Variants in MLLT3 observed in about 807,000 individuals in gnomAD.
MLLT3 encodes the protein protein AF-9.
MLLT3 carries 4 observed loss-of-function variants against 53.2 expected under a neutral mutation model. That is an observed-to-expected ratio of 0.08 (90% CI 0.04 to 0.17). MLLT3 has a LOEUF of 0.17. Among genes scored for constraint, MLLT3 ranks in the 10% least tolerant of loss-of-function variants. MLLT3 has a pLI of 1.00. For missense variants in MLLT3, 569 were observed against 684.0 expected (o/e 0.83, Z 1.87); for synonymous variants, 283 against 230.6 (o/e 1.23, Z -2.06).
At chr9:20,386,063 T>A (rs954626990) in intron 5 of MLLT3, among the ~76,000 whole-genome samples, 1 of 152,202 alleles carries the variant, frequency 6.6e-6, no homozygotes, top group Non-Finnish European at 1.5e-5. Flanking sequence ...CCATTTCCAA[T>A]GGGCACTGCC....
intron 2 of MLLT3, among the ~76,000 whole-genome samples, chr9:20,553,072 G>T (rs1243539775): frequency 1.3e-5 from 2 of 152,164 alleles, no homozygotes; most frequent in African/African-American, 4.8e-5. Flanking sequence ...TTTATTATGA[G>T]TAATAGGTGT....
At chr9:20,457,179 G>A (rs1252825316) in intron 2 of MLLT3, among the ~76,000 whole-genome samples, 5 of 147,284 alleles carry the variant, frequency 3.4e-5, no homozygotes, top group Non-Finnish European at 7.4e-5. Context: ...TCTAGTCTTT[G>A]ATGCAAATCA....
rs1820824200 is a variant in MLLT3 at position 20,344,819 on chromosome 9, T to C, written c.*1624A>G. The stretch of plus-strand genomic sequence containing the variant: ...GAAAGACCATTTTCTGTACAGACAC[T>C]AGTTAATCTCTGTATGAAAAGACAG... On this transcript the variant is annotated 3_prime_UTR_variant, in exon 11 of 11. Transcript: ENST00000380338. 4.8e-6 allele frequency: 1 copy of C among 210,124 alleles called. No individual in the cohort carries two copies. The highest frequency in any genetic ancestry group is 9.7e-6 in the Non-Finnish European group (1 of 103,462). The allele number at this position is 210,124 out of a possible 1,614,324, so 13.0% of individuals were successfully genotyped here. A position where few individuals can be genotyped will look rare whatever the true frequency, so the allele number is the denominator to read the frequency against.
intron 4 of MLLT3, among the ~76,000 whole-genome samples, chr9:20,418,153 G>C (rs1406657359): frequency 5.3e-5 from 8 of 152,272 alleles, no homozygotes; most frequent in Admixed American, 5.2e-4. Context: ...ATTTTTACAA[G>C]GACACTTCCT....
chr9:20,423,496 T>C (rs576642234), intron 4 of MLLT3, among the ~76,000 whole-genome samples: 30 of 152,088 alleles, frequency 2.0e-4, no homozygotes, highest in Non-Finnish European at 3.1e-4. Flanking sequence ...TATCCACAGA[T>C]TCAACCAACC....
intron 2 of MLLT3, among the ~76,000 whole-genome samples, chr9:20,534,636 C>A (rs563363185): frequency 8.5e-4 from 130 of 152,308 alleles, no homozygotes; most frequent in South Asian, 2.7e-3. Context: ...CACCTGTAAT[C>A]CCAACTTTGG....
chr9:20,387,957 C>T (rs1465267878), intron 5 of MLLT3, among the ~76,000 whole-genome samples: 4 of 152,218 alleles, frequency 2.6e-5, no homozygotes, highest in East Asian at 1.9e-4. Flanking sequence ...AGGAGGGCAG[C>T]GGAGAGTGGG....
chr9:20,426,456 TG>T (rs1242717014), intron 4 of MLLT3, among the ~76,000 whole-genome samples: 2 of 152,102 alleles, frequency 1.3e-5, no homozygotes, highest in African/African-American at 4.8e-5. Flanking sequence ...AAATAATGGC[TG>T]GAAGTATAAA....
At chr9:20,472,916 A>AG (rs1472711522) in intron 2 of MLLT3, among the ~76,000 whole-genome samples, 1 of 152,050 alleles carries the variant, frequency 6.6e-6, no homozygotes, top group Non-Finnish European at 1.5e-5. Flanking sequence ...AACAAAAAAA[A>AG]AAAAGAAAAG....
intron 2 of MLLT3, among the ~76,000 whole-genome samples, chr9:20,563,984 T>G (rs2131155302): frequency 6.6e-6 from 1 of 152,248 alleles, no homozygotes; most frequent in East Asian, 1.9e-4. Context: ...GCAAGTAAAA[T>G]CCATCTCCAG....
intron 2 of MLLT3, among the ~76,000 whole-genome samples, chr9:20,536,765 A>C (rs985042650): frequency 5.9e-5 from 9 of 152,306 alleles, no homozygotes; most frequent in Non-Finnish European, 1.2e-4. Flanking sequence ...TTAAAAATAC[A>C]AAATTACTAC....
chr9:20,403,591 A>G (rs1822508726), intron 5 of MLLT3, among the ~76,000 whole-genome samples: 1 of 152,210 alleles, frequency 6.6e-6, no homozygotes, highest in Admixed American at 6.5e-5. Flanking sequence ...GGCTTGGTAA[A>G]CAACAGTAAA....
chr9:20,439,609 C>T (rs193273629), intron 4 of MLLT3, among the ~76,000 whole-genome samples: 10 of 151,654 alleles, frequency 6.6e-5, no homozygotes, highest in South Asian at 6.3e-4. Context: ...GGGGGGATGG[C>T]GGAGAAAGAA....
intron 4 of MLLT3, among the ~76,000 whole-genome samples, chr9:20,444,099 T>C (rs894537172): frequency 2.0e-5 from 3 of 152,192 alleles, no homozygotes; most frequent in Non-Finnish European, 2.9e-5. Context: ...ATCTATCTTA[T>C]AGTAATAGAT....
At position 20,622,310 on chromosome 9, in the gene MLLT3, GC is replaced by G. The variant is rs911971713; in HGVS notation, c.-55del. ...GTTGTGTGGTACCCCCCCCTCCTCC[GC>G]CCCCCCTCAGCTGTAATTCATGAAG... On this transcript the variant is annotated 5_prime_UTR_variant, in exon 1 of 11. Transcript: ENST00000380338. The G allele has an allele frequency of 4.1e-6, 6 of 1,472,512 alleles. No individual in the cohort carries two copies. The African/African-American group carries it at 7.2e-5, about 18-fold the overall frequency. The allele number at this position is 1,472,512 out of a possible 1,614,324, so 91.2% of individuals were successfully genotyped here.
intron 2 of MLLT3, among the ~76,000 whole-genome samples, chr9:20,610,949 A>G (rs1820686399): frequency 6.6e-6 from 1 of 152,148 alleles, no homozygotes; most frequent in Non-Finnish European, 1.5e-5. Flanking sequence ...CAAATCCCCC[A>G]TGTTTCATTG....
chr9:20,582,493 A>G (rs1370666258), intron 2 of MLLT3, among the ~76,000 whole-genome samples: 2 of 152,202 alleles, frequency 1.3e-5, no homozygotes, highest in Non-Finnish European at 2.9e-5. Flanking sequence ...GTCATATAAT[A>G]TGTAGGCTTT....
intron 2 of MLLT3, among the ~76,000 whole-genome samples, chr9:20,612,626 T>C (rs1415349916): frequency 6.6e-6 from 1 of 151,658 alleles, no homozygotes; most frequent in Non-Finnish European, 1.5e-5. Flanking sequence ...AGCAACCCAA[T>C]CTTTTCTTTT....
chr9:20,388,078 T>C (rs1305439410), intron 5 of MLLT3, among the ~76,000 whole-genome samples: 1 of 152,196 alleles, frequency 6.6e-6, no homozygotes, highest in South Asian at 2.1e-4. Flanking sequence ...ATTACCTAGA[T>C]GAAATTTTTC....
Sources: gnomAD v4.1 joint callset for allele counts (sites outside exome capture counted in the v4.1 genomes callset) on GRCh38, gnomAD v4.1.1 for gene constraint, MANE v1.5 for transcripts, NCBI Gene and HGNC (gene_info 2026-07-23, HGNC 2026-07-21) for gene names.